The following CDH13 variants were observed in gnomAD, a reference collection of about 807,000 sequenced individuals.
CDH13 encodes the protein cadherin-13.
In CDH13, 24 loss-of-function variants were observed where a neutral mutation model predicts 63.8. The ratio of observed to expected loss-of-function variants is 0.38; its 90% CI spans 0.27 to 0.53. The LOEUF (loss-of-function observed/expected upper bound fraction) is 0.53. CDH13 is among the 20% of genes least tolerant of loss of function. The pLI is 0.85. For synonymous variants in CDH13, 503 were observed against 355.3 expected, an observed-to-expected ratio of 1.42 and a Z score of -4.67; for missense variants, 1,049 against 903.1, an observed-to-expected ratio of 1.16 and a Z score of -2.07.
chr16:83,495,641 G>C (rs2074120816), intron 7 of CDH13, among the ~76,000 whole-genome samples: 1 of 152,178 alleles, frequency 6.6e-6, no homozygotes, highest in Admixed American at 6.5e-5. Context: ...AAACATATTT[G>C]GGGTTAAAAT....
intron 2 of CDH13, among the ~76,000 whole-genome samples, chr16:82,960,451 G>A (rs1906794594): frequency 6.6e-6 from 1 of 152,162 alleles, no homozygotes; most frequent in South Asian, 2.1e-4. Flanking sequence ...TGGGTGGTTA[G>A]AAATAAGAGT....
chr16:83,786,220 T>G lies in CDH13; in HGVS notation c.2134+2748T>G, dbSNP rs3785000. The stretch of plus-strand genomic sequence containing the variant: ...AGGAAGAGAAACCAACTAGGAAGAG[T>G]TGGGGATGGAGTTAACTGACACTAA... On this transcript the variant is annotated intron_variant, in intron 13 of 13. Coordinates refer to ENST00000567109, the MANE Select transcript of CDH13 (RefSeq NM_001257.5). 2.0e-5 allele frequency among the ~76,000 whole-genome samples: 3 copies of G among 151,586 alleles called. No individual in the cohort carries two copies. In the South Asian group the frequency reaches 6.3e-4, roughly 32 times the overall value.
chr16:83,517,641 T>C (rs2074728987), intron 7 of CDH13, among the ~76,000 whole-genome samples: 1 of 152,174 alleles, frequency 6.6e-6, no homozygotes, highest in Non-Finnish European at 1.5e-5. Context: ...CACCAGGAAG[T>C]TCCTTTGTTT....
intron 1 of CDH13, among the ~76,000 whole-genome samples, chr16:82,650,411 C>G (rs903273656): frequency 6.6e-6 from 1 of 152,074 alleles, no homozygotes; most frequent in African/African-American, 2.4e-5. Context: ...AACTCAGTGC[C>G]CTTTCTCTAT....
chr16:82,925,901 A>G (rs2042290006), intron 2 of CDH13: 1 of 152,074 alleles, frequency 6.6e-6, no homozygotes, highest in African/African-American at 2.4e-5. Context: ...TCTGTCTACA[A>G]ACTCCTTTTG....
chr16:83,570,690 T>A (rs13333433), intron 7 of CDH13, among the ~76,000 whole-genome samples: 1,568 of 143,676 alleles, frequency 0.011, 24 homozygotes, highest in African/African-American at 0.039. Context: ...TAAAAAAAAA[T>A]TTAAATTTAT....
chr16:83,262,597 C>G (rs1037893272), intron 5 of CDH13, among the ~76,000 whole-genome samples: 2 of 152,028 alleles, frequency 1.3e-5, no homozygotes, highest in Non-Finnish European at 2.9e-5. Context: ...TTGGAGTCCC[C>G]CTCATTTACC....
rs36157010 is a variant in CDH13, at chr16:83,014,729, T to TAAAAAAAAA, written c.158-17274_158-17266dup. 6.7e-4 allele frequency among the ~76,000 whole-genome samples: 15 copies of TAAAAAAAAA among 22,280 alleles called. 1 individual carries two copies. Among genetic ancestry groups the TAAAAAAAAA allele is most frequent in the Non-Finnish European group, 9.3e-4 (11 of 11,824 alleles). 14.6% of individuals were successfully genotyped at this position (22,280 alleles called of 152,430 possible). On this transcript the variant is annotated intron_variant, in intron 2 of 13. Transcript: ENST00000567109. ...TTGGGCAACAGAGGGAGACTCCATCTAAAAAAAAAAAAAAATATATATATA... is the reference window on the plus strand; with the variant it reads ...TTGGGCAACAGAGGGAGACTCCATCTAAAAAAAAAAAAAAAAAAAAAAAATATATATATA...
intron 5 of CDH13, among the ~76,000 whole-genome samples, chr16:83,341,842 C>T (rs2090729225): frequency 6.6e-6 from 1 of 152,174 alleles, no homozygotes; most frequent in South Asian, 2.1e-4. Context: ...TCAGAGTCTG[C>T]TATTGCTATT....
At chr16:82,816,932 C>T (rs74029058) in intron 1 of CDH13, among the ~76,000 whole-genome samples, 3,321 of 151,838 alleles carry the variant, frequency 0.022, 111 homozygotes, top group African/African-American at 0.076. Context: ...CATTCAGGAG[C>T]GGACAGAAAA....
chr16:83,013,045 G>C (rs1314523392), intron 2 of CDH13, among the ~76,000 whole-genome samples: 3 of 152,210 alleles, frequency 2.0e-5, no homozygotes, highest in Non-Finnish European at 4.4e-5. Flanking sequence ...TGAGCACTTA[G>C]GTGGCTTAGA....
intron 6 of CDH13, among the ~76,000 whole-genome samples, chr16:83,416,974 T>C (rs17286900): frequency 0.14 from 21,420 of 152,270 alleles, 1,990 homozygotes; most frequent in Non-Finnish European, 0.2. Context: ...CAGCCATAAT[T>C]TTAAAAATAG....
intron 3 of CDH13, among the ~76,000 whole-genome samples, chr16:83,055,995 T>A (rs984028638): frequency 1.3e-5 from 2 of 152,092 alleles, no homozygotes; most frequent in Admixed American, 1.3e-4. Context: ...TAACAACTCC[T>A]ACAAAAATAT....
chr16:83,392,620 A>T (rs2091810190), intron 6 of CDH13, among the ~76,000 whole-genome samples: 1 of 152,204 alleles, frequency 6.6e-6, no homozygotes, highest in South Asian at 2.1e-4. Flanking sequence ...CTCTCTGAGC[A>T]GTTCCAAGCC....
chr16:83,313,588 A>G (rs186924629), intron 5 of CDH13, among the ~76,000 whole-genome samples: 64 of 152,034 alleles, frequency 4.2e-4, no homozygotes, highest in African/African-American at 1.5e-3. Context: ...GATTTTTAAA[A>G]GAAATTTTGA....
At chr16:83,204,727 CA>C (rs1235613981) in intron 4 of CDH13, among the ~76,000 whole-genome samples, 3 of 152,038 alleles carry the variant, frequency 2.0e-5, no homozygotes, top group Non-Finnish European at 4.4e-5. Context: ...TTCAGTTGAT[CA>C]AAAAAACAAA....
At chr16:83,099,044 G>A (rs62036564) in intron 3 of CDH13, among the ~76,000 whole-genome samples, 71,027 of 151,728 alleles carry the variant, frequency 0.47, 16,865 homozygotes, top group Middle Eastern at 0.61. Flanking sequence ...GGGTGTGTAT[G>A]TATACATACA....
At chr16:83,299,097 T>C (rs1381630701) in intron 5 of CDH13, among the ~76,000 whole-genome samples, 2 of 152,168 alleles carry the variant, frequency 1.3e-5, no homozygotes, top group Non-Finnish European at 2.9e-5. Flanking sequence ...ATGCATATAA[T>C]TTTACCAAAA....
intron 1 of CDH13, among the ~76,000 whole-genome samples, chr16:82,764,245 T>G (rs2034963339): frequency 6.6e-6 from 1 of 152,218 alleles, no homozygotes; most frequent in Non-Finnish European, 1.5e-5. Flanking sequence ...TGAATTGTCA[T>G]GCAGCTCAGA....
Sources: allele counts gnomAD v4.1 joint callset (sites outside exome capture counted in the v4.1 genomes callset), GRCh38; gene constraint gnomAD v4.1.1; transcripts MANE v1.5; gene names NCBI Gene and HGNC (gene_info 2026-07-23, HGNC 2026-07-21).